The following GPHN variants were observed in gnomAD, a reference collection of about 807,000 sequenced individuals.
The protein encoded by GPHN is gephyrin.
Under a neutral mutation model 95.5 loss-of-function variants are expected in GPHN, and 17 were observed. The observed-to-expected ratio is 0.18, with a 90% CI of 0.12 to 0.27. The LOEUF (loss-of-function observed/expected upper bound fraction) is 0.27, where lower values mean the gene tolerates loss of function less well. Ranked by LOEUF, GPHN falls within the 10% of genes least tolerant of loss-of-function variation. The pLI is 1.00. For missense variants in GPHN, 660 were observed against 978.1 expected, an observed-to-expected ratio of 0.67 and a Z score of 4.34; for synonymous variants, 320 against 322.5, an observed-to-expected ratio of 0.99 and a Z score of 0.08.
chr14:66,846,777 G>A (rs990694832), intron 4 of GPHN, among the ~76,000 whole-genome samples: 1 of 152,212 alleles, frequency 6.6e-6, no homozygotes, highest in East Asian at 1.9e-4. Context: ...TCATAGTAAA[G>A]AGTAGAAAAT....
the GPHN span, chr14:67,572,285 G>A: frequency 1.8e-5 from 28 of 1,586,584 alleles, no homozygotes; most frequent in Admixed American, 1.6e-4. Flanking sequence ...GGGGTGAGCC[G>A]GGAAACGGGC....
At chr14:66,962,766 A>G (rs903299040) in intron 8 of GPHN, among the ~76,000 whole-genome samples, 2 of 150,842 alleles carry the variant, frequency 1.3e-5, no homozygotes, top group Admixed American at 6.6e-5. Context: ...TTAATCTTGC[A>G]ACTTTCTTCT....
At chr14:67,729,366 T>G in the GPHN span, 2 of 1,597,576 alleles carry the variant, frequency 1.3e-6, no homozygotes, top group Non-Finnish European at 8.5e-7. Flanking sequence ...AGCCCCTGAG[T>G]GGCAAGTACT....
intron 5 of GPHN, among the ~76,000 whole-genome samples, chr14:66,898,868 T>C (rs2064993403): frequency 6.6e-6 from 1 of 151,968 alleles, no homozygotes; most frequent in African/African-American, 2.4e-5. Context: ...ACATTATGTC[T>C]CTTCCTTTAG....
At chr14:66,886,208 A>C (rs554293251) in intron 5 of GPHN, among the ~76,000 whole-genome samples, 1 of 152,318 alleles carries the variant, frequency 6.6e-6, no homozygotes, top group African/African-American at 2.4e-5. Flanking sequence ...TTTTAAGGCC[A>C]TGATGGGACT....
Position 67,180,917 on chromosome 14 carries a change from A to G in GPHN, c.2290A>G (p.Met764Val). The change falls in exon 23 of 23, where the codon ATG (methionine) becomes GTG (valine). Residue 764 changes from methionine (M) to valine (V), a missense_variant. Around this residue, in one of 6 missense-constraint regions of GPHN, gnomAD observed 48 missense variants for 137.4 expected, o/e 0.35. Transcript: ENST00000478722. ...ELHKGEVVDV[M>V]VIGRL ...CCACAAAGGCGAGGTGGTGGATGTC[A>G]TGGTCATTGGACGGCTATGATGGTC... The G allele has an allele frequency of 6.2e-7, 1 of 1,614,020 alleles. No homozygotes were observed. Among genetic ancestry groups the G allele is most frequent in the Non-Finnish European group, 8.5e-7 (1 of 1,179,956 alleles).
At chr14:66,671,082 C>G (rs1274994069) in intron 1 of GPHN, among the ~76,000 whole-genome samples, 21 of 152,154 alleles carry the variant, frequency 1.4e-4, no homozygotes, top group Admixed American at 1.4e-3. Flanking sequence ...TGCACATGTT[C>G]ATCTGTTAAT....
intron 1 of GPHN, among the ~76,000 whole-genome samples, chr14:66,638,410 G>C (rs921158389): frequency 1.6e-4 from 24 of 152,198 alleles, no homozygotes; most frequent in Non-Finnish European, 3.2e-4. Flanking sequence ...ATCCAGCCTG[G>C]GGGATAAGAG....
chr14:67,384,444 CATT>C, the GPHN span: 3 of 151,232 alleles, frequency 2.0e-5, no homozygotes, highest in African/African-American at 7.3e-5. Context: ...ATAGGTAACA[CATT>C]ATTTGAAGTT....
At chr14:67,282,678 GTAT>G in the GPHN span, among the ~76,000 whole-genome samples, 1 of 151,900 alleles carries the variant, frequency 6.6e-6, no homozygotes, top group Non-Finnish European at 1.5e-5. Flanking sequence ...TGAATAATTA[GTAT>G]TATAAATGGT....
chr14:67,469,811 ATCACTT>A, the GPHN span, among the ~76,000 whole-genome samples: 1 of 152,208 alleles, frequency 6.6e-6, no homozygotes, highest in Non-Finnish European at 1.5e-5. Flanking sequence ...TCAGTGTAAC[ATCACTT>A]TCAAAGTAAA....
At chr14:66,716,946 C>T (rs1566861204) in intron 2 of GPHN, among the ~76,000 whole-genome samples, 1 of 152,172 alleles carries the variant, frequency 6.6e-6, no homozygotes, top group African/African-American at 2.4e-5. Flanking sequence ...TCTTAAGATT[C>T]TTTCCTTCGT....
the GPHN span, chr14:67,473,517 A>T: frequency 1.9e-6 from 3 of 1,614,006 alleles, no homozygotes; most frequent in South Asian, 1.1e-5. The surrounding 1 kb of genome is among the most constrained non-coding windows in gnomAD (Gnocchi z 6.5). Flanking sequence ...GGTGTTGCGG[A>T]TGATGAACTG....
chr14:66,808,397 A>G (rs1277302362), intron 3 of GPHN, among the ~76,000 whole-genome samples: 1 of 152,202 alleles, frequency 6.6e-6, no homozygotes, highest in Non-Finnish European at 1.5e-5. Flanking sequence ...TTGGCTTGTC[A>G]ATCTTTCAGT....
intron 10 of GPHN, among the ~76,000 whole-genome samples, chr14:67,043,399 T>C (rs1297818327): frequency 6.6e-6 from 1 of 152,190 alleles, no homozygotes; most frequent in Non-Finnish European, 1.5e-5. Context: ...TTTTGAGATG[T>C]GTTCCATCAA....
chr14:67,290,743 C>T, the GPHN span, among the ~76,000 whole-genome samples: 311 of 152,182 alleles, frequency 2.0e-3, no homozygotes, highest in African/African-American at 7.0e-3. Flanking sequence ...CCATGTTGCC[C>T]AGGCTGGTCT....
At chr14:67,174,312 T>C (rs1021811896) in intron 21 of GPHN, among the ~76,000 whole-genome samples, 2 of 149,192 alleles carry the variant, frequency 1.3e-5, no homozygotes, top group Non-Finnish European at 3.0e-5. Flanking sequence ...CTCCCACTTA[T>C]GAGTGAGAAC....
At chr14:66,738,977 C>T (rs926209301) in intron 2 of GPHN, among the ~76,000 whole-genome samples, 8 of 151,824 alleles carry the variant, frequency 5.3e-5, no homozygotes, top group African/African-American at 1.7e-4. Flanking sequence ...TTTTGGGTGG[C>T]GTTCTATTGA....
At chr14:66,870,103 G>A (rs1438206883) in intron 4 of GPHN, among the ~76,000 whole-genome samples, 1 of 152,134 alleles carries the variant, frequency 6.6e-6, no homozygotes, top group East Asian at 1.9e-4. Context: ...CAGCTTAAGA[G>A]GAAGAGAAAA....
Sources: gnomAD v4.1 joint callset for allele counts (sites outside exome capture counted in the v4.1 genomes callset) on GRCh38, gnomAD v4.1.1 for gene constraint, gnomAD v4.1.1 regional missense constraint, Gnocchi (gnomAD v3.1) non-coding constraint, MANE v1.5 for transcripts, NCBI Gene and HGNC (gene_info 2026-07-23, HGNC 2026-07-21) for gene names.